The following SLC25A21 variants were observed in gnomAD, a reference collection of about 807,000 sequenced individuals.
SLC25A21 encodes the protein solute carrier family 25 member 21, also known as mitochondrial 2-oxodicarboxylate carrier.
A neutral mutation model predicts 43.8 loss-of-function variants in SLC25A21; 47 were observed. That is an observed-to-expected ratio of 1.07 (90% confidence interval 0.85 to 1.37). SLC25A21 has a LOEUF of 1.37. SLC25A21 is among the 40% of genes most tolerant of loss of function. SLC25A21 has a pLI of 0.00. For synonymous variants in SLC25A21, 131 were observed against 121.3 expected (o/e 1.08, Z -0.52); for missense variants, 352 against 350.2 (o/e 1.00, Z -0.04).
At chr14:36,935,792 A>AT (rs1892408386) in intron 1 of SLC25A21, among the ~76,000 whole-genome samples, 1 of 152,128 alleles carries the variant, frequency 6.6e-6, no homozygotes, top group Admixed American at 6.5e-5. Context: ...AAGTGTATAT[A>AT]TGGTCCCACA....
At chr14:36,873,134 A>G (rs1040832236) in intron 2 of SLC25A21, among the ~76,000 whole-genome samples, 10 of 152,172 alleles carry the variant, frequency 6.6e-5, no homozygotes, top group African/African-American at 2.4e-4. Flanking sequence ...CATTAGCAAC[A>G]ATAATCTGGC....
chr14:37,051,375 T>C (rs1961702908), intron 1 of SLC25A21, among the ~76,000 whole-genome samples: 1 of 152,154 alleles, frequency 6.6e-6, no homozygotes, highest in African/African-American at 2.4e-5. Context: ...ATGTACTGGC[T>C]TCAGTGCAAG....
At chr14:37,137,629 T>C (rs995223432) in intron 1 of SLC25A21, among the ~76,000 whole-genome samples, 7 of 152,180 alleles carry the variant, frequency 4.6e-5, no homozygotes, top group Non-Finnish European at 5.9e-5. Flanking sequence ...TTTTATACAT[T>C]ACTACATTGT....
chr14:36,842,193 T>C (rs1227803118), intron 2 of SLC25A21, among the ~76,000 whole-genome samples: 1 of 152,188 alleles, frequency 6.6e-6, no homozygotes, highest in African/African-American at 2.4e-5. Context: ...AGCACATAGA[T>C]TCTTAATTGC....
intron 5 of SLC25A21, among the ~76,000 whole-genome samples, chr14:36,727,353 T>C (rs1387687159): frequency 6.6e-6 from 1 of 152,228 alleles, no homozygotes; most frequent in Admixed American, 6.5e-5. Flanking sequence ...AACCATTTCA[T>C]AGAGTGCTAT....
intron 3 of SLC25A21, among the ~76,000 whole-genome samples, chr14:36,784,858 G>A (rs988003544): frequency 2.6e-5 from 4 of 152,150 alleles, no homozygotes; most frequent in Non-Finnish European, 5.9e-5. Context: ...ACCCAGGATT[G>A]TGTACGCTTA....
At chr14:37,109,765 T>C (rs1461216125) in intron 1 of SLC25A21, among the ~76,000 whole-genome samples, 1 of 152,150 alleles carries the variant, frequency 6.6e-6, no homozygotes, top group Non-Finnish European at 1.5e-5. Flanking sequence ...GAAGATTATA[T>C]CTTTGGTCCT....
At chr14:36,813,288 A>G (rs748540506) in intron 3 of SLC25A21, among the ~76,000 whole-genome samples, 4 of 152,166 alleles carry the variant, frequency 2.6e-5, no homozygotes, top group Non-Finnish European at 5.9e-5. Flanking sequence ...TACACATTGA[A>G]GATAATTTTA....
intron 1 of SLC25A21, among the ~76,000 whole-genome samples, chr14:37,044,498 G>C (rs1961546447): frequency 1.3e-5 from 2 of 151,994 alleles, no homozygotes; most frequent in South Asian, 4.2e-4. Flanking sequence ...GTAACAAAAA[G>C]GAAATCCTGA....
intron 1 of SLC25A21, among the ~76,000 whole-genome samples, chr14:37,061,267 C>T (rs1961942984): frequency 6.6e-6 from 1 of 152,130 alleles, no homozygotes; most frequent in African/African-American, 2.4e-5. Context: ...GCTATGACAC[C>T]AACGAACAGC....
chr14:36,837,806 C>T (rs1889260209), intron 2 of SLC25A21, among the ~76,000 whole-genome samples: 2 of 152,208 alleles, frequency 1.3e-5, no homozygotes, highest in African/African-American at 4.8e-5. Flanking sequence ...CTCCCATGAT[C>T]TCAGACTTTG....
intron 1 of SLC25A21, among the ~76,000 whole-genome samples, chr14:37,084,058 G>A (rs961763559): frequency 6.6e-6 from 1 of 152,098 alleles, no homozygotes; most frequent in Non-Finnish European, 1.5e-5. Context: ...CTGCTGTCAC[G>A]ATGTAATTAT....
At chr14:36,716,105 A>C (rs564739600) in intron 6 of SLC25A21, among the ~76,000 whole-genome samples, 1 of 152,116 alleles carries the variant, frequency 6.6e-6, no homozygotes, top group East Asian at 1.9e-4. Flanking sequence ...ATAATAAATA[A>C]ATAAATAAAT....
chr14:36,929,671 A>C (rs2138634882), intron 1 of SLC25A21, among the ~76,000 whole-genome samples: 1 of 152,270 alleles, frequency 6.6e-6, no homozygotes, highest in South Asian at 2.1e-4. Flanking sequence ...CCTGTGTTTT[A>C]AATAAAAAGT....
chr14:36,979,542 G>A (rs1215939822), intron 1 of SLC25A21, among the ~76,000 whole-genome samples: 2 of 152,088 alleles, frequency 1.3e-5, no homozygotes, highest in Non-Finnish European at 2.9e-5. Context: ...TTTTAGTAGA[G>A]ACAGGGTTTT....
chr14:37,069,903 A>G (rs1962137448), intron 1 of SLC25A21, among the ~76,000 whole-genome samples: 1 of 152,170 alleles, frequency 6.6e-6, no homozygotes, highest in Non-Finnish European at 1.5e-5. Context: ...GTCTATGAAA[A>G]AGAAGGCTAT....
intron 2 of SLC25A21, among the ~76,000 whole-genome samples, chr14:36,834,932 C>T (rs748647638): frequency 3.3e-5 from 5 of 152,164 alleles, no homozygotes; most frequent in Admixed American, 6.5e-5. Flanking sequence ...AAATAGTCAT[C>T]CCACCATGTT....
intron 7 of SLC25A21, among the ~76,000 whole-genome samples, chr14:36,709,231 T>A (rs1024007468): frequency 6.6e-6 from 1 of 152,176 alleles, no homozygotes; most frequent in Non-Finnish European, 1.5e-5. Flanking sequence ...GCTGGTTTCA[T>A]GGGTGTGTGA....
intron 1 of SLC25A21, among the ~76,000 whole-genome samples, chr14:36,911,754 T>C (rs906006890): frequency 6.6e-6 from 1 of 151,948 alleles, no homozygotes; most frequent in Non-Finnish European, 1.5e-5. Flanking sequence ...TCAAGACCAG[T>C]AGGAGGATAA....
Sources: allele counts gnomAD v4.1 joint callset (sites outside exome capture counted in the v4.1 genomes callset), GRCh38; gene constraint gnomAD v4.1.1; transcripts MANE v1.5; gene names NCBI Gene and HGNC (gene_info 2026-07-23, HGNC 2026-07-21).